Variants in IRAK2 observed in about 807,000 individuals in gnomAD.
The protein encoded by IRAK2 is interleukin 1 receptor associated kinase 2, also known as interleukin-1 receptor-associated kinase-like 2.
Under a neutral mutation model 72.0 loss-of-function variants are expected in IRAK2, and 57 were observed. The ratio of observed to expected loss-of-function variants is 0.79; its 90% CI spans 0.64 to 0.99. IRAK2 has a LOEUF of 0.99. IRAK2 is among the 50% of genes least tolerant of loss of function. IRAK2 has a pLI of 0.00. For synonymous variants in IRAK2, 293 were observed against 312.7 expected, an observed-to-expected ratio of 0.94 and a Z score of 0.67; for missense variants, 790 against 794.4, an observed-to-expected ratio of 0.99 and a Z score of 0.07.
At chr3:10,221,397 G>A (rs1418369652) in intron 8 of IRAK2, among the ~76,000 whole-genome samples, 2 of 151,308 alleles carry the variant, frequency 1.3e-5, no homozygotes, top group South Asian at 4.2e-4. Flanking sequence ...GGGACTACAG[G>A]CGCCTGCCAC....
chr3:10,185,018 C>T (rs62238359), intron 2 of IRAK2, among the ~76,000 whole-genome samples: 2 of 150,420 alleles, frequency 1.3e-5, no homozygotes, highest in East Asian at 2.0e-4. Flanking sequence ...GGCGTGAGCC[C>T]CTGCGCCGGG....
At chr3:10,232,420 C>G (rs190391731) in intron 10 of IRAK2, among the ~76,000 whole-genome samples, 2 of 152,186 alleles carry the variant, frequency 1.3e-5, no homozygotes, top group East Asian at 1.9e-4. Context: ...CTTCACTACA[C>G]GGGGCGTAGC....
At chr3:10,233,685 A>G (rs1697903430) in intron 10 of IRAK2, among the ~76,000 whole-genome samples, 1 of 152,160 alleles carries the variant, frequency 6.6e-6, no homozygotes, top group Admixed American at 6.6e-5. Context: ...AGTTAATAAG[A>G]TTAAATTATT....
intron 3 of IRAK2, among the ~76,000 whole-genome samples, chr3:10,203,695 G>A (rs1342102419): frequency 3.3e-5 from 5 of 152,074 alleles, no homozygotes; most frequent in Admixed American, 6.5e-5. Flanking sequence ...GCAGTGGCGC[G>A]ATCTCGGCTC....
At chr3:10,233,952 C>A (rs1027291628) in intron 10 of IRAK2, among the ~76,000 whole-genome samples, 1 of 152,030 alleles carries the variant, frequency 6.6e-6, no homozygotes, top group African/African-American at 2.4e-5. Context: ...ACCTCCCCCA[C>A]CATAGGTTCA....
rs142915695 is a variant in IRAK2, at chr3:10,176,662, A to G, written c.95-1176A>G. Among the ~76,000 whole-genome samples, 915 of 147,656 alleles carry G rather than the reference A, an allele frequency of 6.2e-3. 11 individuals are homozygous for G. The highest frequency in any genetic ancestry group is 0.022 in the African/African-American group (866 of 39,974). On this transcript the variant is annotated intron_variant, in intron 1 of 12. Coordinates refer to ENST00000256458, the MANE Select transcript of IRAK2 (RefSeq NM_001570.4). ...CCGGCTAATTTTTTGTATTTTTAGT[A>G]GAGACGAGGTTTCACCATGTTAGCC...
intron 10 of IRAK2, among the ~76,000 whole-genome samples, chr3:10,226,945 C>CAAAAA (rs200295331): frequency 1.0e-5 from 1 of 96,806 alleles, no homozygotes; most frequent in Non-Finnish European, 2.1e-5. Flanking sequence ...GACTCCATCT[C>CAAAAA]AAAAAAAAAA....
At chr3:10,220,809 A>C (rs1697676035) in intron 8 of IRAK2, among the ~76,000 whole-genome samples, 1 of 152,082 alleles carries the variant, frequency 6.6e-6, no homozygotes, top group African/African-American at 2.4e-5. Flanking sequence ...AGGGTGAGAG[A>C]GGTCACCACT....
At chr3:10,169,468 T>C (rs992509520) in intron 1 of IRAK2, among the ~76,000 whole-genome samples, 1 of 152,196 alleles carries the variant, frequency 6.6e-6, no homozygotes, top group Non-Finnish European at 1.5e-5. Flanking sequence ...CCCAGGGTTA[T>C]CAATTATTAA....
At chr3:10,216,879 A>C in intron 6 of IRAK2, 55 bp from the exon 7 acceptor site, 1 of 1,307,066 alleles carries the variant, frequency 7.7e-7, no homozygotes, top group Non-Finnish European at 1.1e-6. Context: ...GACATGAGGA[A>C]GTAGATCATT....
intron 4 of IRAK2, among the ~76,000 whole-genome samples, chr3:10,211,401 C>G: frequency 3.5e-3 from 1 of 284 alleles, no homozygotes; most frequent in South Asian, 0.029. Context: ...CTTGGCCTCC[C>G]ACATATGGTG....
At chr3:10,239,186 G>A in intron 12 of IRAK2, 147 bp downstream of exon 12, 1 of 728,578 alleles carries the variant, frequency 1.4e-6, no homozygotes, top group Non-Finnish European at 2.2e-6. Flanking sequence ...AGAGAAACCT[G>A]GGAGGCATCC....
At chr3:10,166,608 GTTAAATATTCT>G (rs34229481) in intron 1 of IRAK2, among the ~76,000 whole-genome samples, 22,764 of 152,170 alleles carry the variant, frequency 0.15, 2,051 homozygotes, top group African/African-American at 0.24. Context: ...ACACCTAAGT[GTTAAATATTCT>G]TATAAGTCAT....
intron 1 of IRAK2, among the ~76,000 whole-genome samples, chr3:10,165,721 A>AT (rs34176794): frequency 0.022 from 1,669 of 76,754 alleles, 77 homozygotes; most frequent in Non-Finnish European, 0.027. Flanking sequence ...GTCTTGAACT[A>AT]TTTTTTTTTT....
intron 2 of IRAK2, among the ~76,000 whole-genome samples, chr3:10,188,701 T>C (rs886832919): frequency 1.4e-4 from 22 of 152,204 alleles, no homozygotes; most frequent in South Asian, 2.1e-4. Flanking sequence ...TTATTTTGTA[T>C]TTTTAGTAGA....
chr3:10,184,966 C>G (rs1034904200), intron 2 of IRAK2, among the ~76,000 whole-genome samples: 2 of 150,288 alleles, frequency 1.3e-5, no homozygotes, highest in African/African-American at 5.0e-5. Flanking sequence ...CTCCTGACCT[C>G]GTGATCCGCC....
intron 1 of IRAK2, among the ~76,000 whole-genome samples, chr3:10,176,863 C>CTGGAGTGGCTGGGCCTGCTTCTGCACAG (rs1575954163): frequency 6.6e-6 from 1 of 150,546 alleles, no homozygotes; most frequent in East Asian, 2.0e-4. Flanking sequence ...AGTGCAATGG[C>CTGGAGTGGCTGGGCCTGCTTCTGCACAG]GTGATCTTGG....
At chr3:10,238,629 C>A in intron 11 of IRAK2, 119 bp from the exon 12 acceptor site, 1 of 969,702 alleles carries the variant, frequency 1.0e-6, no homozygotes, top group Non-Finnish European at 1.5e-6. Context: ...TCAGACAAAA[C>A]AACCAGCATT....
chr3:10,172,236 A>G (rs1311435711), intron 1 of IRAK2, among the ~76,000 whole-genome samples: 6 of 151,536 alleles, frequency 4.0e-5, no homozygotes, highest in Non-Finnish European at 5.9e-5. Context: ...GCATGGTGGC[A>G]GGCGCCTGTA....
Sources: allele counts gnomAD v4.1 joint callset (sites outside exome capture counted in the v4.1 genomes callset), GRCh38; gene constraint gnomAD v4.1.1; transcripts MANE v1.5; gene names NCBI Gene and HGNC (gene_info 2026-07-23, HGNC 2026-07-21).